TLE4: variants seen among roughly 807,000 people sequenced by gnomAD.
TLE4 encodes the protein transducin-like enhancer protein 4.
Under a neutral mutation model 92.8 loss-of-function variants are expected in TLE4, and 8 were observed. The ratio of observed to expected loss-of-function variants is 0.09; its 90% CI spans 0.05 to 0.16. The LOEUF is 0.16. Among genes scored for constraint, TLE4 ranks in the 10% least tolerant of loss-of-function variants. The pLI is 1.00. For missense variants in TLE4, 675 were observed against 997.6 expected (o/e 0.68, Z 4.36); for synonymous variants, 371 against 374.1 (o/e 0.99, Z 0.10).
intron 4 of TLE4, among the ~76,000 whole-genome samples, chr9:79,610,133 A>G (rs114925854): frequency 0.011 from 1,705 of 152,180 alleles, 39 homozygotes; most frequent in African/African-American, 0.039. Flanking sequence ...ATCAGAAAGC[A>G]GGTCGCAGTT....
chr9:79,700,890 G>T (rs909138783), intron 8 of TLE4, among the ~76,000 whole-genome samples: 4 of 152,052 alleles, frequency 2.6e-5, no homozygotes, highest in African/African-American at 7.2e-5. Context: ...TAGTGAGAAA[G>T]ACTTGTGTTT....
chr9:79,609,747 G>A (rs897843820), intron 4 of TLE4, among the ~76,000 whole-genome samples: 1 of 152,010 alleles, frequency 6.6e-6, no homozygotes, highest in African/African-American at 2.4e-5. Flanking sequence ...ATAATATCTA[G>A]TAACCCTAAC....
At chr9:79,619,923 T>C (rs1175796886) in intron 5 of TLE4, among the ~76,000 whole-genome samples, 1 of 152,248 alleles carries the variant, frequency 6.6e-6, no homozygotes, top group Non-Finnish European at 1.5e-5. Flanking sequence ...TATTCCGTGG[T>C]TGACTGATTG....
chr9:79,684,730 C>G (rs541525888), intron 8 of TLE4, among the ~76,000 whole-genome samples: 5 of 152,288 alleles, frequency 3.3e-5, no homozygotes, highest in African/African-American at 9.6e-5. Flanking sequence ...TGGTATCCCT[C>G]TAGCAGGCTA....
intron 12 of TLE4, 116 bp downstream of exon 12, chr9:79,708,366 CAA>C: frequency 7.7e-7 from 1 of 1,299,540 alleles, no homozygotes; most frequent in Non-Finnish European, 1.1e-6. Context: ...GGCTGTTAGA[CAA>C]AGTTACTTAA....
At chr9:79,693,563 T>C (rs2135582800) in intron 8 of TLE4, 1 of 432,310 alleles carries the variant, frequency 2.3e-6, no homozygotes, top group South Asian at 1.7e-5. Context: ...GACTGTTGGC[T>C]GTGTTAGCAG....
intron 8 of TLE4, among the ~76,000 whole-genome samples, chr9:79,700,378 T>G (rs986571693): frequency 3.3e-5 from 5 of 152,162 alleles, no homozygotes; most frequent in African/African-American, 4.8e-5. Context: ...TTTATAGAAG[T>G]CTTTCTCATA....
chr9:79,695,696 CA>C (rs1490210639), intron 8 of TLE4, among the ~76,000 whole-genome samples: 2 of 152,136 alleles, frequency 1.3e-5, no homozygotes, highest in African/African-American at 4.8e-5. Flanking sequence ...AGGAAGCACA[CA>C]AGGGAGTGTG....
intron 4 of TLE4, 77 bp downstream of exon 4, chr9:79,576,254 G>A: frequency 8.8e-7 from 1 of 1,139,262 alleles, no homozygotes; most frequent in Non-Finnish European, 1.2e-6. Flanking sequence ...ATGTTTTGCA[G>A]TTTTATTCTG....
intron 4 of TLE4, among the ~76,000 whole-genome samples, chr9:79,587,271 C>T (rs1222099637): frequency 2.6e-5 from 4 of 152,148 alleles, no homozygotes; most frequent in African/African-American, 9.7e-5. Context: ...GTCTTCGTTT[C>T]TGAGTGCTTA....
chr9:79,669,560 C>T (rs544843843), intron 8 of TLE4, among the ~76,000 whole-genome samples: 15 of 152,112 alleles, frequency 9.9e-5, no homozygotes, highest in Middle Eastern at 3.4e-3. Context: ...GCTCTGGGCA[C>T]CATCACTCAC....
rs779317282 is a variant in TLE4, at chr9:79,612,724, G to A, written c.315+6G>A. The A allele has an allele frequency of 7.4e-6, 12 of 1,612,962 alleles. No individual in the cohort carries two copies. The highest frequency in any genetic ancestry group is 1.7e-4 in the Middle Eastern group (1 of 6,052). On this transcript the variant is annotated splice_donor_region_variant and intron_variant, in intron 5 of 19. Transcript: ENST00000376552. ...TTCCTTTCCTGTCCCAAGAGGTAAG[G>A]TAGTTGATTTTAGGCACTGGACTAG... is the stretch of plus-strand genomic sequence containing the variant.
At chr9:79,692,334 G>C (rs1231033242) in intron 8 of TLE4, among the ~76,000 whole-genome samples, 6 of 152,178 alleles carry the variant, frequency 3.9e-5, no homozygotes, top group Admixed American at 1.3e-4. Flanking sequence ...TGGAGAAGTG[G>C]AGTGGCTTTT....
intron 8 of TLE4, among the ~76,000 whole-genome samples, chr9:79,691,090 C>T (rs931552144): frequency 2.6e-5 from 4 of 152,134 alleles, no homozygotes; most frequent in African/African-American, 9.7e-5. Flanking sequence ...CCTAATGTCT[C>T]AGATTCATCC....
At chr9:79,575,604 T>C (rs1186744793) in intron 3 of TLE4, among the ~76,000 whole-genome samples, 1 of 152,230 alleles carries the variant, frequency 6.6e-6, no homozygotes, top group Non-Finnish European at 1.5e-5. Flanking sequence ...TTATGAAGCA[T>C]ATTTTTATGA....
At chr9:79,601,628 A>G in intron 4 of TLE4, 3 of 369,968 alleles carry the variant, frequency 8.1e-6, no homozygotes, top group South Asian at 6.1e-5. Flanking sequence ...CTGTGCCCCC[A>G]TCAGACAGCA....
chr9:79,606,187 G>GTTGTTTTTTT lies in TLE4; in HGVS notation c.253-6467_253-6466insGTTTTTTTTT, dbSNP rs2046834923. ...ATTGCTTTATTAAGCAGTAGTAGTT[G>GTTGTTTTTTT]TTTTTTTTTTTTTTTTTTTTTTTTT... On this transcript the variant is annotated intron_variant, in intron 4 of 19. Coordinates refer to ENST00000376552, the MANE Select transcript of TLE4 (RefSeq NM_007005.6). 2.4e-4 allele frequency among the ~76,000 whole-genome samples: 7 copies of GTTGTTTTTTT among 28,674 alleles called. 1 individual carries two copies. The highest frequency in any genetic ancestry group is 4.9e-4 in the Admixed American group (1 of 2,036). The allele number at this position is 28,674 out of a possible 152,430, so 18.8% of individuals were successfully genotyped here.
Position 79,623,736 on chromosome 9 carries a change from T to G in TLE4, c.316-3638T>G, listed in dbSNP as rs573823016. Among the ~76,000 whole-genome samples the G allele has an allele frequency of 4.0e-5, 6 of 151,222 alleles. No homozygotes were observed. In the East Asian group the frequency reaches 1.2e-3, roughly 30 times the overall value. ...TTTTTTTAGAATTTTTTTAAAATTGTAAAGTACAGCATTTTAAAGAATAAA... is the reference window on the plus strand; with the variant it reads ...TTTTTTTAGAATTTTTTTAAAATTGGAAAGTACAGCATTTTAAAGAATAAA... On this transcript the variant is annotated intron_variant, in intron 5 of 19. Coordinates refer to ENST00000376552, the MANE Select transcript of TLE4 (RefSeq NM_007005.6).
At chr9:79,579,307 A>G (rs951303711) in intron 4 of TLE4, among the ~76,000 whole-genome samples, 1 of 152,236 alleles carries the variant, frequency 6.6e-6, no homozygotes, top group East Asian at 1.9e-4. Flanking sequence ...GCATTACTAA[A>G]TGCTGCTTCT....
Sources: allele counts gnomAD v4.1 joint callset (sites outside exome capture counted in the v4.1 genomes callset), GRCh38; gene constraint gnomAD v4.1.1; transcripts MANE v1.5; gene names NCBI Gene and HGNC (gene_info 2026-07-23, HGNC 2026-07-21).